SDHD: variants seen among roughly 807,000 people sequenced by gnomAD.
SDHD encodes succinate dehydrogenase [ubiquinone] cytochrome b small subunit, mitochondrial.
SDHD carries 6 observed loss-of-function variants against 18.7 expected under a neutral mutation model. The observed-to-expected ratio is 0.32, with a 90% confidence interval of 0.18 to 0.63. The LOEUF (loss-of-function observed/expected upper bound fraction) is 0.63, where lower values mean the gene tolerates loss of function less well. Ranked by LOEUF, SDHD falls within the 30% of genes least tolerant of loss-of-function variation. The pLI, the probability that SDHD is intolerant of heterozygous loss-of-function variation, is 0.79. For synonymous variants in SDHD, 56 were observed against 73.9 expected, an observed-to-expected ratio of 0.76 and a Z score of 1.24; for missense variants, 160 against 192.7, an observed-to-expected ratio of 0.83 and a Z score of 1.00.
In SDHD at chr11:112,095,081, A is replaced by G. The variant is rs867154098; in HGVS notation, c.*111A>G. 1.8e-4 allele frequency: 151 copies of G among 827,442 alleles called. No homozygotes were observed. Among genetic ancestry groups the G allele is most frequent in the Admixed American group, 3.8e-4 (20 of 53,068 alleles). 51.3% of individuals were successfully genotyped at this position (827,442 alleles called of 1,614,324 possible). On this transcript the variant is annotated 3_prime_UTR_variant, in exon 4 of 4. Transcript: ENST00000375549. Reference sequence around the variant, plus strand: ...ATAACAGATAAGTCCATTGGTGGACAGCCTTCTTCTCTTAATCACAAGATT... The same window carrying G: ...ATAACAGATAAGTCCATTGGTGGACGGCCTTCTTCTCTTAATCACAAGATT...
chr11:112,093,678 T>C (rs1175775621), intron 3 of SDHD, among the ~76,000 whole-genome samples: 1 of 152,186 alleles, frequency 6.6e-6, no homozygotes, highest in African/African-American at 2.4e-5. Flanking sequence ...TTATATTTCA[T>C]ATAAAATTCA....
rs1393446652 is a variant in SDHD, at chr11:112,094,789, T to G, written c.315-16T>G. Reference sequence around the variant, plus strand: ...GTGGTTTTTTATTGATGTTATGATTTTTTCTTTTTCTTTAGGGGCCTTGGA... The same window carrying G: ...GTGGTTTTTTATTGATGTTATGATTGTTTCTTTTTCTTTAGGGGCCTTGGA... On this transcript the variant is annotated splice_polypyrimidine_tract_variant and intron_variant, in intron 3 of 3. Transcript: ENST00000375549. The G allele has an allele frequency of 6.2e-7, 1 of 1,609,404 alleles. No individual in the cohort carries two copies.
At chr11:112,091,206 G>A (rs1444973535) in intron 3 of SDHD, 10 of 488,946 alleles carry the variant, frequency 2.0e-5, no homozygotes, top group Non-Finnish European at 2.4e-5. Flanking sequence ...CCTCAACACT[G>A]AGTCTCTTTT....
At position 112,089,639 on chromosome 11, in the gene SDHD, C is replaced by T. The variant is rs557763162; in HGVS notation, c.314+628C>T. Reference sequence around the variant, plus strand: ...TGAACATGCCAGGGACATTCCAGGTCTCAGGGCTTCTCTTACTGCTTCTGC... The same window carrying T: ...TGAACATGCCAGGGACATTCCAGGTTTCAGGGCTTCTCTTACTGCTTCTGC... On this transcript the variant is annotated intron_variant, in intron 3 of 3. Transcript: ENST00000375549. 6.5e-5 allele frequency among the ~76,000 whole-genome samples: 7 copies of T among 107,348 alleles called. No individual in the cohort carries two copies. In the South Asian group the frequency reaches 2.3e-3, roughly 35 times the overall value. The allele number at this position is 107,348 out of a possible 152,430, so 70.4% of individuals were successfully genotyped here.
chr11:112,093,148 C>T (rs1187471811), intron 3 of SDHD: 2 of 387,002 alleles, frequency 5.2e-6, no homozygotes, highest in Admixed American at 5.9e-5. Context: ...CTTACTGCAA[C>T]CTCCGCCTTT....
intron 2 of SDHD, chr11:112,088,502 C>T (rs1199170816): frequency 2.8e-6 from 1 of 354,662 alleles, no homozygotes; most frequent in East Asian, 7.3e-5. Context: ...AGGCGTGAGC[C>T]ACCACGCCTG....
intron 3 of SDHD, chr11:112,091,105 G>A (rs1330654143): frequency 3.1e-6 from 3 of 980,566 alleles, no homozygotes; most frequent in Admixed American, 6.2e-5. Context: ...GATTCCAGTT[G>A]CATATGAAAT....
Position 112,094,818 on chromosome 11 carries a change from G to A in SDHD, c.328G>A (p.Val110Ile), listed in dbSNP as rs1060503771. 6.2e-7 allele frequency: 1 copy of A among 1,611,900 alleles called. No homozygotes were observed. The highest frequency in any genetic ancestry group is 1.3e-5 in the African/African-American group (1 of 74,864). ...TLHGHWGLGQ[V>I]VTDYVHGDAL... ...CTTTTTCTTTAGGGGCCTTGGACAAGTTGTTACTGACTATGTTCATGGGGA... is the reference window on the plus strand; with the variant it reads ...CTTTTTCTTTAGGGGCCTTGGACAAATTGTTACTGACTATGTTCATGGGGA... Residue 110 changes from valine (V) to isoleucine (I), a missense_variant, in exon 4 of 4, where the codon GTT (valine) becomes ATT (isoleucine). By Grantham distance (29) the Val-to-Ile change is conservative. Transcript: ENST00000375549.
chr11:112,092,256 GAA>G (rs112699278), intron 3 of SDHD, among the ~76,000 whole-genome samples: 1 of 129,710 alleles, frequency 7.7e-6, no homozygotes, highest in South Asian at 2.5e-4. Flanking sequence ...AGTAAAAGAA[GAA>G]AAAAAAAAAG....
intron 1 of SDHD, among the ~76,000 whole-genome samples, chr11:112,087,374 C>T (rs991246614): frequency 6.6e-6 from 1 of 152,058 alleles, no homozygotes; most frequent in Admixed American, 6.5e-5. Context: ...ATCATTTAAC[C>T]TGGGCATTTG....
chr11:112,087,422 T>A (rs1865635686), intron 1 of SDHD, among the ~76,000 whole-genome samples: 1 of 152,166 alleles, frequency 6.6e-6, no homozygotes. Context: ...AGGATACAAA[T>A]GTGAAGAAAA....
rs564298797 is a variant in SDHD at position 112,094,386 on chromosome 11, A to G, written c.315-419A>G. On this transcript the variant is annotated intron_variant, in intron 3 of 3. Transcript: ENST00000375549. Reference sequence around the variant, plus strand: ...GCACTCCAGCCTGGGCAAAAGAGCGAGACTCTGTCTCAATAAATAAATAAA... The same window carrying G: ...GCACTCCAGCCTGGGCAAAAGAGCGGGACTCTGTCTCAATAAATAAATAAA... Among the ~76,000 whole-genome samples the G allele has an allele frequency of 9.3e-4, 142 of 152,226 alleles. 1 individual carries two copies. Among genetic ancestry groups the G allele is most frequent in the African/African-American group, 3.1e-3 (127 of 41,528 alleles).
At chr11:112,088,362 G>A (rs1035653522) in intron 2 of SDHD, 27 of 345,382 alleles carry the variant, frequency 7.8e-5, no homozygotes, top group African/African-American at 5.4e-4. Context: ...ACCATGCCCA[G>A]CTAAGTTTTG....
intron 3 of SDHD, among the ~76,000 whole-genome samples, chr11:112,090,258 A>G (rs1463455707): frequency 6.6e-6 from 1 of 151,756 alleles, no homozygotes. Context: ...ACAGGCGTGC[A>G]CCACCACATC....
In SDHD at chr11:112,095,196, G is replaced by T; in HGVS notation, c.*226G>T. The T allele has an allele frequency of 1.8e-6, 1 of 551,344 alleles. No homozygotes were observed. The allele number at this position is 551,344 out of a possible 1,614,324, so 34.2% of individuals were successfully genotyped here. ...GTTCTATATTCTGGTGAGTTAATGG[G>T]GTTGCCTCCCAGCTTCTTATAAGAC... On this transcript the variant is annotated 3_prime_UTR_variant, in exon 4 of 4. Transcript: ENST00000375549.
chr11:112,094,205 C>G (rs1455231318), intron 3 of SDHD, among the ~76,000 whole-genome samples: 1 of 151,964 alleles, frequency 6.6e-6, no homozygotes, highest in African/African-American at 2.4e-5. Context: ...CGAGACCAGC[C>G]TGGCCAATAT....
intron 3 of SDHD, among the ~76,000 whole-genome samples, chr11:112,092,022 C>T (rs1338075874): frequency 6.6e-6 from 1 of 152,110 alleles, no homozygotes; most frequent in Non-Finnish European, 1.5e-5. Flanking sequence ...GAGCCAAGAT[C>T]GTGCCACTGC....
intron 3 of SDHD, among the ~76,000 whole-genome samples, chr11:112,090,507 G>C (rs1444909097): frequency 6.6e-6 from 1 of 152,110 alleles, no homozygotes; most frequent in East Asian, 1.9e-4. Flanking sequence ...TCCTTGAGTT[G>C]TTCTTTTTAA....
rs201280702 is a variant in SDHD at position 112,095,310 on chromosome 11, A to G, written c.*340A>G. 2 of 373,508 alleles carry G rather than the reference A, an allele frequency of 5.4e-6. No individual in the cohort carries two copies. The highest frequency in any genetic ancestry group is 5.0e-6 in the Non-Finnish European group (1 of 199,574). The allele number at this position is 373,508 out of a possible 1,614,324, so 23.1% of individuals were successfully genotyped here. On this transcript the variant is annotated 3_prime_UTR_variant, in exon 4 of 4. Coordinates refer to ENST00000375549, the MANE Select transcript of SDHD (RefSeq NM_003002.4). ...AATCCAACTTTATTACGATTAGTAT[A>G]TGATCAAACTTCCATATTTGCCTTG...
Sources: gnomAD v4.1 joint callset for allele counts (sites outside exome capture counted in the v4.1 genomes callset) on GRCh38, gnomAD v4.1.1 for gene constraint, MANE v1.5 for transcripts, NCBI Gene and HGNC (gene_info 2026-07-23, HGNC 2026-07-21) for gene names.